Variants in NFIL3 observed in about 807,000 individuals in gnomAD.
The protein encoded by NFIL3 is nuclear factor interleukin-3-regulated protein.
In NFIL3, 5 loss-of-function variants were observed where a neutral mutation model predicts 10.0. That is an observed-to-expected ratio of 0.50 (90% confidence interval 0.26 to 1.06). NFIL3 has a LOEUF of 1.06. NFIL3 is among the 50% of genes least tolerant of loss of function. The pLI is 0.13. For missense variants in NFIL3, 436 were observed against 547.6 expected, an observed-to-expected ratio of 0.80 and a Z score of 2.03; for synonymous variants, 202 against 206.5, an observed-to-expected ratio of 0.98 and a Z score of 0.19.
At chr9:91,447,004 C>T in the NFIL3 span, among the ~76,000 whole-genome samples, 46 of 152,068 alleles carry the variant, frequency 3.0e-4, no homozygotes, top group Middle Eastern at 6.8e-3. Flanking sequence ...TTAGTAGAGG[C>T]GGGGTTTCAC....
the NFIL3 span, among the ~76,000 whole-genome samples, chr9:91,455,971 G>C: frequency 6.6e-6 from 1 of 152,122 alleles, no homozygotes; most frequent in African/African-American, 2.4e-5. Context: ...GGCAACTGCT[G>C]ATTTGTTTTC....
chr9:91,436,573 GCCTCAACAACAA>G, the NFIL3 span, among the ~76,000 whole-genome samples: 2 of 135,842 alleles, frequency 1.5e-5, no homozygotes, highest in South Asian at 2.3e-4. Context: ...GCAAGACTCT[GCCTCAACAACAA>G]CAACAACAAC....
At chr9:91,438,567 G>A in the NFIL3 span, among the ~76,000 whole-genome samples, 1 of 151,992 alleles carries the variant, frequency 6.6e-6, no homozygotes, top group African/African-American at 2.4e-5. Context: ...GTAATTAGGG[G>A]AAAAAAATCA....
chr9:91,432,393 C>T, the NFIL3 span, among the ~76,000 whole-genome samples: 1 of 152,200 alleles, frequency 6.6e-6, no homozygotes, highest in African/African-American at 2.4e-5. Context: ...AATTGTACCT[C>T]CCAAGAAAGG....
intron 1 of NFIL3, among the ~76,000 whole-genome samples, chr9:91,416,993 A>G (rs1833669890): frequency 6.6e-6 from 1 of 152,226 alleles, no homozygotes; most frequent in Non-Finnish European, 1.5e-5. Flanking sequence ...AATGTTTAAC[A>G]ATCCAAGCTC....
the NFIL3 span, among the ~76,000 whole-genome samples, chr9:91,467,446 TGAC>T: frequency 6.6e-6 from 1 of 152,182 alleles, no homozygotes; most frequent in Non-Finnish European, 1.5e-5. Flanking sequence ...AGAAAGCAAT[TGAC>T]TTTTGTATAT....
At chr9:91,414,547 C>G (rs1391209587) in intron 1 of NFIL3, among the ~76,000 whole-genome samples, 1 of 152,186 alleles carries the variant, frequency 6.6e-6, no homozygotes, top group Admixed American at 6.5e-5. Flanking sequence ...GCGTGAGCCA[C>G]CTCGCCAGGC....
At chr9:91,472,412 C>T in the NFIL3 span, among the ~76,000 whole-genome samples, 11 of 152,140 alleles carry the variant, frequency 7.2e-5, no homozygotes, top group African/African-American at 2.2e-4. Context: ...TCTTTTTACT[C>T]TTTTTTCTCT....
the NFIL3 span, among the ~76,000 whole-genome samples, chr9:91,445,946 A>G: frequency 6.6e-6 from 1 of 152,048 alleles, no homozygotes; most frequent in Non-Finnish European, 1.5e-5. Flanking sequence ...AGGGATGGAG[A>G]GGTGCAATGG....
chr9:91,414,603 G>A (rs938200888), intron 1 of NFIL3, among the ~76,000 whole-genome samples: 18 of 152,170 alleles, frequency 1.2e-4, no homozygotes, highest in African/African-American at 4.3e-4. Flanking sequence ...GAATTTCATG[G>A]CATGTCACTA....
chr9:91,462,081 C>G, the NFIL3 span, among the ~76,000 whole-genome samples: 1 of 152,100 alleles, frequency 6.6e-6, no homozygotes, highest in African/African-American at 2.4e-5. Context: ...TGTGAAATAA[C>G]TTTAGACTTT....
the NFIL3 span, among the ~76,000 whole-genome samples, chr9:91,473,716 CT>C: frequency 1.3e-5 from 2 of 152,216 alleles, no homozygotes; most frequent in African/African-American, 4.8e-5. Flanking sequence ...TGGGCTGCAC[CT>C]ACTGTCCAAC....
intron 1 of NFIL3, among the ~76,000 whole-genome samples, chr9:91,418,933 C>A (rs1833708638): frequency 1.3e-5 from 2 of 151,558 alleles, no homozygotes; most frequent in East Asian, 3.9e-4. Context: ...AATAAAAATT[C>A]ATTTTGAAAC....
At chr9:91,440,434 G>C in the NFIL3 span, among the ~76,000 whole-genome samples, 1 of 151,434 alleles carries the variant, frequency 6.6e-6, no homozygotes, top group African/African-American at 2.4e-5. Flanking sequence ...TTTAAATTTT[G>C]TTTACTTTTT....
At chr9:91,415,332 C>G (rs1392604214) in intron 1 of NFIL3, among the ~76,000 whole-genome samples, 1 of 152,142 alleles carries the variant, frequency 6.6e-6, no homozygotes, top group Non-Finnish European at 1.5e-5. Flanking sequence ...GCACTGGGAG[C>G]CTGACCTGCT....
the NFIL3 span, among the ~76,000 whole-genome samples, chr9:91,472,882 G>A: frequency 6.6e-6 from 1 of 152,158 alleles, no homozygotes; most frequent in African/African-American, 2.4e-5. Flanking sequence ...GTACAGATGG[G>A]ATTTTGGTGT....
the NFIL3 span, among the ~76,000 whole-genome samples, chr9:91,461,708 CA>C: frequency 4.6e-5 from 7 of 152,180 alleles, no homozygotes; most frequent in African/African-American, 1.7e-4. Context: ...GCTCCTGTCT[CA>C]AATCAGCTCT....
At chr9:91,458,723 A>C in the NFIL3 span, among the ~76,000 whole-genome samples, 221 of 152,106 alleles carry the variant, frequency 1.5e-3, no homozygotes, top group Non-Finnish European at 2.9e-3. Context: ...TCTTAATTTA[A>C]TGTTGTTCTA....
the NFIL3 span, among the ~76,000 whole-genome samples, chr9:91,451,938 C>T: frequency 2.0e-5 from 3 of 152,016 alleles, no homozygotes; most frequent in African/African-American, 7.3e-5. Flanking sequence ...AATCCTAGAC[C>T]CCTCACAATT....
Sources: gnomAD v4.1 joint callset for allele counts (sites outside exome capture counted in the v4.1 genomes callset) on GRCh38, gnomAD v4.1.1 for gene constraint, MANE v1.5 for transcripts, NCBI Gene and HGNC (gene_info 2026-07-23, HGNC 2026-07-21) for gene names.